Variants in APCDD1 observed in about 807,000 individuals in gnomAD.
The protein encoded by APCDD1 is protein APCDD1.
In APCDD1, 15 loss-of-function variants were observed where a neutral mutation model predicts 38.1. That is an observed-to-expected ratio of 0.39 (90% CI 0.26 to 0.61). The LOEUF (loss-of-function observed/expected upper bound fraction) is 0.61, where lower values mean the gene tolerates loss of function less well. Among genes scored for constraint, APCDD1 ranks in the 20% least tolerant of loss-of-function variants. The pLI, the probability that APCDD1 is intolerant of heterozygous loss-of-function variation, is 0.49. For missense variants in APCDD1, 647 were observed against 696.2 expected, an observed-to-expected ratio of 0.93 and a Z score of 0.79; for synonymous variants, 261 against 279.7, an observed-to-expected ratio of 0.93 and a Z score of 0.67.
At position 10,462,194 on chromosome 18, in the gene APCDD1, A is replaced by G. The variant is rs116768548; in HGVS notation, c.59-6275A>G. ...TTAAAAACTTAGCATTATATATAAT[A>G]AGCACATTTATTATTATAAATAATA... On this transcript the variant is annotated intron_variant, in intron 1 of 4. Transcript: ENST00000355285. Among the ~76,000 whole-genome samples the G allele has an allele frequency of 5.8e-3, 877 of 152,346 alleles. 10 individuals carry two copies. Among genetic ancestry groups the G allele is most frequent in the African/African-American group, 0.02 (832 of 41,564 alleles).
intron 1 of APCDD1, among the ~76,000 whole-genome samples, chr18:10,460,922 T>G (rs1259477550): frequency 2.0e-5 from 3 of 152,216 alleles, no homozygotes; most frequent in South Asian, 2.1e-4. Context: ...TCTGGTGAAT[T>G]CAGGGGATGT....
chr18:10,469,449 TA>T lies in APCDD1; in HGVS notation c.242+800del, dbSNP rs1357149709. 6.6e-6 allele frequency among the ~76,000 whole-genome samples: 1 copy of T among 152,232 alleles called. No individual in the cohort carries two copies. Among genetic ancestry groups the T allele is most frequent in the Non-Finnish European group, 1.5e-5 (1 of 68,030 alleles). ...AAATAACCACGATAAACAATTTGTA[TA>T]AACAACCTTCATGTTACATACTTTT... On this transcript the variant is annotated intron_variant, in intron 2 of 4. Transcript: ENST00000355285. The surrounding 1 kb of genome is among the most constrained non-coding windows in gnomAD (Gnocchi z 5.5).
At chr18:10,455,428 A>G (rs2030354499) in intron 1 of APCDD1, among the ~76,000 whole-genome samples, 1 of 152,196 alleles carries the variant, frequency 6.6e-6, no homozygotes, top group South Asian at 2.1e-4. Flanking sequence ...CCTTTTTCCA[A>G]AATGCCAGAA....
At chr18:10,478,826 C>T (rs1450855320) in intron 3 of APCDD1, among the ~76,000 whole-genome samples, 5 of 152,322 alleles carry the variant, frequency 3.3e-5, no homozygotes. Context: ...CATCATCATG[C>T]TCCCTTTAGA....
intron 3 of APCDD1, among the ~76,000 whole-genome samples, chr18:10,484,074 C>T (rs2031195595): frequency 6.6e-6 from 1 of 152,222 alleles, no homozygotes; most frequent in Non-Finnish European, 1.5e-5. Flanking sequence ...CCTAGACAGC[C>T]CTTGTTCCCT....
intron 3 of APCDD1, chr18:10,477,260 G>A (rs554847356): frequency 2.0e-4 from 30 of 152,360 alleles, no homozygotes; most frequent in African/African-American, 7.0e-4. Context: ...TTACAGGAAG[G>A]AGAACCCTAG....
In APCDD1 at chr18:10,458,806, A is replaced by C. The variant is rs114050019; in HGVS notation, c.58+3767A>C. ...AGTGATTGTCTACATCGGTTGAAAGATACACAGCAAGGCATGTCTTCAGTA... is the reference window on the plus strand; with the variant it reads ...AGTGATTGTCTACATCGGTTGAAAGCTACACAGCAAGGCATGTCTTCAGTA... On this transcript the variant is annotated intron_variant, in intron 1 of 4. Coordinates refer to ENST00000355285, the MANE Select transcript of APCDD1 (RefSeq NM_153000.5). 2.8e-3 allele frequency among the ~76,000 whole-genome samples: 430 copies of C among 152,318 alleles called. 5 individuals carry two copies. Among genetic ancestry groups the C allele is most frequent in the African/African-American group, 1.0e-2 (414 of 41,578 alleles).
intron 3 of APCDD1, among the ~76,000 whole-genome samples, chr18:10,474,879 A>G (rs1175578154): frequency 1.3e-5 from 2 of 152,236 alleles, no homozygotes; most frequent in African/African-American, 2.4e-5. Context: ...AAAGACAGCA[A>G]TTGTAAAGCT....
Position 10,485,837 on chromosome 18 carries a change from A to T in APCDD1, c.1096+54A>T. The T allele has an allele frequency of 6.3e-7, 1 of 1,582,966 alleles. No homozygotes were observed. Among genetic ancestry groups the T allele is most frequent in the Non-Finnish European group, 8.6e-7 (1 of 1,163,722 alleles). On this transcript the variant is annotated intron_variant, in intron 4 of 4. Coordinates refer to ENST00000355285, the MANE Select transcript of APCDD1 (RefSeq NM_153000.5). The surrounding 1 kb of genome is among the most constrained non-coding windows in gnomAD (Gnocchi z 5.8). ...CACAGCCAATAAACAGCCCTGTGAC[A>T]TTTTTGTGGAGGCAGAGCTGAGGGA...
At chr18:10,479,089 T>A (rs1232855404) in intron 3 of APCDD1, among the ~76,000 whole-genome samples, 1 of 152,228 alleles carries the variant, frequency 6.6e-6, no homozygotes. Flanking sequence ...AAAGGACTCG[T>A]AATACAGAAG....
intron 3 of APCDD1, among the ~76,000 whole-genome samples, chr18:10,481,723 A>C (rs559367777): frequency 4.0e-5 from 6 of 150,628 alleles, no homozygotes; most frequent in Non-Finnish European, 7.4e-5. Context: ...TGGCAAGACC[A>C]ATACCCAAGA....
intron 3 of APCDD1, among the ~76,000 whole-genome samples, chr18:10,483,083 T>A (rs2031175453): frequency 6.6e-6 from 1 of 152,208 alleles, no homozygotes; most frequent in Admixed American, 6.5e-5. Flanking sequence ...ATGATCACCA[T>A]TGTAAAAATG....
chr18:10,479,781 G>A (rs1417476129), intron 3 of APCDD1, among the ~76,000 whole-genome samples: 4 of 152,108 alleles, frequency 2.6e-5, no homozygotes, highest in African/African-American at 9.7e-5. Flanking sequence ...TTGAGCCTCC[G>A]AGACTCGAAT....
chr18:10,474,875 A>T (rs894777405), intron 3 of APCDD1, among the ~76,000 whole-genome samples: 1 of 152,222 alleles, frequency 6.6e-6, no homozygotes, highest in African/African-American at 2.4e-5. Context: ...AATTAAAGAC[A>T]GCAATTGTAA....
At chr18:10,483,183 C>T (rs1207365875) in intron 3 of APCDD1, among the ~76,000 whole-genome samples, 4 of 152,214 alleles carry the variant, frequency 2.6e-5, no homozygotes, top group Non-Finnish European at 2.9e-5. Flanking sequence ...AGGAACTGGC[C>T]GGAGACATCT....
chr18:10,480,082 C>T (rs775775009), intron 3 of APCDD1, among the ~76,000 whole-genome samples: 4 of 152,116 alleles, frequency 2.6e-5, no homozygotes, highest in Non-Finnish European at 4.4e-5. Context: ...CTTCTGGGTA[C>T]AGAAGCTCTG....
rs1469167074 is a variant in APCDD1, at chr18:10,454,987, C to T, written c.6C>T (p.Ser2=). 3.2e-6 allele frequency: 5 copies of T among 1,552,646 alleles called. No individual in the cohort carries two copies. The highest frequency in any genetic ancestry group is 1.4e-5 in the African/African-American group (1 of 72,648). The part of the protein sequence containing the change: M[S]WPRRLLLRYL... ...GCCCCAGAGCAGGACTGGAAATGTC[C>T]TGGCCGCGCCGCCTCCTGCTCAGAT... The change falls in exon 1 of 5, where the codon TCC becomes TCT. Residue 2 remains serine, a synonymous_variant. Coordinates refer to ENST00000355285, the MANE Select transcript of APCDD1 (RefSeq NM_153000.5).
Position 10,475,421 on chromosome 18 carries a change from A to G in APCDD1, c.774+3360A>G, listed in dbSNP as rs1238368551. Among the ~76,000 whole-genome samples, 2 of 152,338 alleles carry G rather than the reference A, an allele frequency of 1.3e-5. No homozygotes were observed. The highest frequency in any genetic ancestry group is 6.5e-5 in the Admixed American group (1 of 15,310). ...ACATATTGTTAAGTAGGAAAAAAGG[A>G]AGTTATAAAATAGCGTGAATAATAT... is the stretch of plus-strand genomic sequence containing the variant. On this transcript the variant is annotated intron_variant, in intron 3 of 4. Transcript: ENST00000355285. The surrounding 1 kb of genome is among the most constrained non-coding windows in gnomAD (Gnocchi z 4.0).
At chr18:10,473,042 A>T (rs1184350353) in intron 3 of APCDD1, among the ~76,000 whole-genome samples, 1 of 151,718 alleles carries the variant, frequency 6.6e-6, no homozygotes, top group Non-Finnish European at 1.5e-5. Context: ...TTCGTGGAAC[A>T]CTCTCTAGCA....
Sources: gnomAD v4.1 joint callset for allele counts (sites outside exome capture counted in the v4.1 genomes callset) on GRCh38, gnomAD v4.1.1 for gene constraint, Gnocchi (gnomAD v3.1) non-coding constraint, MANE v1.5 for transcripts, NCBI Gene and HGNC (gene_info 2026-07-23, HGNC 2026-07-21) for gene names.